CAST: variants seen among roughly 807,000 people sequenced by gnomAD.
CAST encodes the protein calpastatin.
Under a neutral mutation model 119.6 loss-of-function variants are expected in CAST, and 76 were observed. The observed-to-expected ratio is 0.64, with a 90% CI of 0.53 to 0.77. The LOEUF (loss-of-function observed/expected upper bound fraction) is 0.77, where lower values mean the gene tolerates loss of function less well. CAST is among the 30% of genes least tolerant of loss of function. The probability of loss-of-function intolerance (pLI) is 0.00; values close to 1 mark genes in which losing one functional copy is unlikely to be tolerated. For missense variants in CAST, 953 were observed against 946.5 expected (o/e 1.01, Z -0.09); for synonymous variants, 319 against 331.6 (o/e 0.96, Z 0.41).
the CAST span, among the ~76,000 whole-genome samples, chr5:96,175,431 A>C: frequency 6.6e-6 from 1 of 152,236 alleles, no homozygotes; most frequent in East Asian, 1.9e-4. Flanking sequence ...TGGAGGTATA[A>C]AGAACTAAAT....
the CAST span, among the ~76,000 whole-genome samples, chr5:96,129,213 C>A: frequency 6.6e-6 from 1 of 152,080 alleles, no homozygotes; most frequent in Non-Finnish European, 1.5e-5. Flanking sequence ...CATATTCATT[C>A]TTAATATCCC....
At chr5:96,475,115 C>G in the CAST span, among the ~76,000 whole-genome samples, 1 of 152,206 alleles carries the variant, frequency 6.6e-6, no homozygotes, top group Admixed American at 6.5e-5. Flanking sequence ...TAGTCAGTCT[C>G]TCCTCATCCG....
chr5:96,364,367 C>T, the CAST span, among the ~76,000 whole-genome samples: 2 of 152,132 alleles, frequency 1.3e-5, no homozygotes, highest in African/African-American at 4.8e-5. Context: ...AGGGAGGATT[C>T]CCTCTTTTTG....
At chr5:96,060,028 T>C in the CAST span, among the ~76,000 whole-genome samples, 12 of 152,112 alleles carry the variant, frequency 7.9e-5, no homozygotes, top group Non-Finnish European at 1.8e-4. Context: ...CACCAAGTAA[T>C]AGCACAATTA....
chr5:96,736,945 T>TA (rs1403676178), intron 10 of CAST, among the ~76,000 whole-genome samples: 1 of 152,190 alleles, frequency 6.6e-6, no homozygotes. Flanking sequence ...TCAGGAAACT[T>TA]ACAATCATGC....
the CAST span, among the ~76,000 whole-genome samples, chr5:96,071,479 T>C: frequency 1.3e-5 from 2 of 152,158 alleles, no homozygotes; most frequent in East Asian, 3.9e-4. Flanking sequence ...CTAGGCATCC[T>C]TCCTACCCAC....
the CAST span, among the ~76,000 whole-genome samples, chr5:96,061,871 C>T: frequency 9.7e-3 from 1,470 of 152,162 alleles, 30 homozygotes; most frequent in African/African-American, 0.033. Context: ...CACCAGAGAG[C>T]ATCCATTATG....
the CAST span, among the ~76,000 whole-genome samples, chr5:96,094,985 G>GA: frequency 2.0e-5 from 3 of 151,980 alleles, no homozygotes; most frequent in African/African-American, 4.8e-5. Context: ...TGCTTGCCTT[G>GA]AAAAAAATGA....
intron 2 of CAST, among the ~76,000 whole-genome samples, chr5:96,676,760 T>A (rs574732104): frequency 7.9e-4 from 119 of 151,012 alleles, no homozygotes; most frequent in African/African-American, 2.8e-3. Flanking sequence ...AACATGAAAG[T>A]CTACCTAGTG....
the CAST span, among the ~76,000 whole-genome samples, chr5:96,250,314 G>A: frequency 1.2e-4 from 18 of 152,136 alleles, 1 homozygote; most frequent in Non-Finnish European, 2.6e-4. Flanking sequence ...CCAATGTGGT[G>A]ACCCAGCAAA....
chr5:96,499,385 T>C, the CAST span, among the ~76,000 whole-genome samples: 2 of 152,192 alleles, frequency 1.3e-5, no homozygotes, highest in Non-Finnish European at 2.9e-5. Flanking sequence ...TATAGTGTAG[T>C]CTACTAGGTG....
chr5:96,147,312 A>C, the CAST span, among the ~76,000 whole-genome samples: 1 of 152,248 alleles, frequency 6.6e-6, no homozygotes, highest in African/African-American at 2.4e-5. Context: ...ACCTTGTTAC[A>C]AATAATTTGG....
the CAST span, among the ~76,000 whole-genome samples, chr5:96,108,809 G>A: frequency 2.0e-5 from 3 of 152,206 alleles, no homozygotes; most frequent in Non-Finnish European, 2.9e-5. Flanking sequence ...AATGGCAGGC[G>A]CCCCTCCCCC....
At chr5:96,031,792 A>G in the CAST span, among the ~76,000 whole-genome samples, 2 of 152,120 alleles carry the variant, frequency 1.3e-5, no homozygotes, top group Non-Finnish European at 2.9e-5. Context: ...CGATTACTAC[A>G]ACAATTAGTG....
the CAST span, among the ~76,000 whole-genome samples, chr5:96,475,858 C>T: frequency 6.6e-6 from 1 of 152,152 alleles, no homozygotes; most frequent in South Asian, 2.1e-4. Context: ...TGACTTGTTG[C>T]AGGTCACGGG....
the CAST span, among the ~76,000 whole-genome samples, chr5:96,052,538 C>A: frequency 6.6e-6 from 1 of 152,184 alleles, no homozygotes; most frequent in Non-Finnish European, 1.5e-5. Flanking sequence ...AAAGGTTGTA[C>A]TAATTTGTAA....
intron 5 of CAST, 42 bp from the exon 6 acceptor site, chr5:96,727,442 CTTTCT>C: frequency 4.8e-6 from 5 of 1,048,406 alleles, no homozygotes; most frequent in Non-Finnish European, 7.0e-6. Context: ...CTATGTCTAT[CTTTCT>C]TTTCTTCCTT....
At chr5:96,442,740 C>T in the CAST span, among the ~76,000 whole-genome samples, 2 of 152,198 alleles carry the variant, frequency 1.3e-5, no homozygotes, top group East Asian at 1.9e-4. Flanking sequence ...CCTTGGAGGT[C>T]GTAAGGAGCG....
the CAST span, among the ~76,000 whole-genome samples, chr5:96,001,125 G>A: frequency 6.6e-6 from 1 of 152,124 alleles, no homozygotes; most frequent in Non-Finnish European, 1.5e-5. Context: ...TCATTTCCAA[G>A]ACCCTTTTCA....
Sources: allele counts gnomAD v4.1 joint callset (sites outside exome capture counted in the v4.1 genomes callset), GRCh38; gene constraint gnomAD v4.1.1; transcripts MANE v1.5; gene names NCBI Gene and HGNC (gene_info 2026-07-23, HGNC 2026-07-21).